ARHGEF1: variants seen among roughly 807,000 people sequenced by gnomAD.
ARHGEF1 encodes 115 kDa guanine nucleotide exchange factor.
Under a neutral mutation model 119.7 loss-of-function variants are expected in ARHGEF1, and 40 were observed. That is an observed-to-expected ratio of 0.33 (90% CI 0.26 to 0.44). ARHGEF1 has a LOEUF of 0.44. ARHGEF1 is among the 20% of genes least tolerant of loss of function. The probability of loss-of-function intolerance (pLI) is 1.00; values close to 1 mark genes in which losing one functional copy is unlikely to be tolerated. For synonymous variants in ARHGEF1, 494 were observed against 521.0 expected (o/e 0.95, Z 0.71); for missense variants, 976 against 1,268.3 (o/e 0.77, Z 3.50).
chr19:41,898,372 G>T (rs1017779058), intron 13 of ARHGEF1, 70 bp from the exon 14 acceptor site: 6 of 1,547,164 alleles, frequency 3.9e-6, no homozygotes, highest in Non-Finnish European at 5.2e-6. Context: ...GGGGTTGAAC[G>T]CTCTAAGAGG....
upstream of ARHGEF1, among the ~76,000 whole-genome samples, chr19:41,922,209 G>A (rs771288285): frequency 1.6e-4 from 25 of 152,236 alleles, no homozygotes; most frequent in African/African-American, 5.5e-4. Flanking sequence ...CAGGCATCCC[G>A]ACAGAGCCCG....
intron 8 of ARHGEF1, 72 bp from the exon 9 acceptor site, chr19:41,894,135 A>AGT (rs35797687): frequency 0.15 from 69,598 of 458,326 alleles, 701 homozygotes; most frequent in Middle Eastern, 0.18. Flanking sequence ...TGTGTGTGTG[A>AGT]GTGTGTGTGT....
At chr19:41,926,790 C>T (rs1008800900) in intron 1 of ARHGEF1, among the ~76,000 whole-genome samples, 1 of 152,142 alleles carries the variant, frequency 6.6e-6, no homozygotes, top group Non-Finnish European at 1.5e-5. Flanking sequence ...CCAGAGCGAC[C>T]GATCGATTCG....
chr19:41,915,495 T>C (rs548969169), intron 18 of ARHGEF1, among the ~76,000 whole-genome samples: 6 of 152,046 alleles, frequency 3.9e-5, no homozygotes, highest in Non-Finnish European at 7.4e-5. Context: ...CGTCTCTGTG[T>C]CCCCATGTCT....
chr19:41,883,286 C>A lies in ARHGEF1; in HGVS notation c.-23C>A. The stretch of plus-strand genomic sequence containing the variant: ...CCCGCCGGTCACCTCCGCGCGGACA[C>A]CAGGTACTCGGTCCCCGGCCCCGCC... On this transcript the variant is annotated 5_prime_UTR_variant, in exon 1 of 29. Coordinates refer to ENST00000354532, the MANE Select transcript of ARHGEF1 (RefSeq NM_004706.4). This position sits in a 1 kb window ranked among gnomAD's most constrained non-coding sequence, Gnocchi z 7.6. The A allele has an allele frequency of 5.4e-6, 1 of 184,910 alleles. No homozygotes were observed. 11.5% of individuals were successfully genotyped at this position (184,910 alleles called of 1,614,324 possible).
At chr19:41,929,462 T>C (rs1465133402) in intron 2 of ARHGEF1, among the ~76,000 whole-genome samples, 6 of 152,162 alleles carry the variant, frequency 3.9e-5, no homozygotes, top group African/African-American at 1.4e-4. Flanking sequence ...TCGACCAGCC[T>C]CAGGGCGGGT....
chr19:41,888,613 T>C lies in ARHGEF1; in HGVS notation c.112-139T>C. 1.4e-6 allele frequency: 1 copy of C among 718,594 alleles called. No homozygotes were observed. Among genetic ancestry groups the C allele is most frequent in the South Asian group, 1.8e-5 (1 of 56,080 alleles). The allele number at this position is 718,594 out of a possible 1,614,324, so 44.5% of individuals were successfully genotyped here. Reference sequence around the variant, plus strand: ...CCTGCCCTTGCTGTCACCATCATTTTTTGGACACTGTCACCACTCCCCACT... The same window carrying C: ...CCTGCCCTTGCTGTCACCATCATTTCTTGGACACTGTCACCACTCCCCACT... On this transcript the variant is annotated intron_variant, in intron 3 of 28. Coordinates refer to ENST00000354532, the MANE Select transcript of ARHGEF1 (RefSeq NM_004706.4). This position sits in a 1 kb window ranked among gnomAD's most constrained non-coding sequence, Gnocchi z 5.1.
chr19:41,886,588 A>G (rs2074297430), intron 1 of ARHGEF1, among the ~76,000 whole-genome samples: 1 of 152,202 alleles, frequency 6.6e-6, no homozygotes, highest in Non-Finnish European at 1.5e-5. Context: ...GCCAGTTTGC[A>G]AATTTATTAA....
chr19:41,894,700 T>A, intron 11 of ARHGEF1, 39 bp downstream of exon 11: 1 of 1,610,836 alleles, frequency 6.2e-7, no homozygotes, highest in South Asian at 1.1e-5. Flanking sequence ...ACTGGGGGCC[T>A]GTGTGGGAGA....
intron 12 of ARHGEF1, 111 bp from the exon 13 acceptor site, chr19:41,896,263 TGTG>T: frequency 2.0e-6 from 1 of 508,388 alleles, no homozygotes; most frequent in Non-Finnish European, 3.5e-6. Context: ...AGAGCAGCCA[TGTG>T]GTGTCTGCCA....
intron 13 of ARHGEF1, chr19:41,896,737 A>C (rs2074495925): frequency 3.3e-6 from 2 of 613,050 alleles, no homozygotes; most frequent in Admixed American, 2.2e-5. Flanking sequence ...TTTTTCACTA[A>C]TCCTTCTCCT....
chr19:41,884,310 T>G, intron 1 of ARHGEF1: 1 of 1,074,214 alleles, frequency 9.3e-7, no homozygotes, highest in Non-Finnish European at 1.3e-6. Flanking sequence ...AGGAGTAGAG[T>G]CGTCGGGGCC....
chr19:41,922,693 G>T (rs781876050), upstream of ARHGEF1, among the ~76,000 whole-genome samples: 1 of 152,094 alleles, frequency 6.6e-6, no homozygotes, highest in African/African-American at 2.4e-5. Context: ...GCTGGGTGCC[G>T]GGCCACCAGG....
rs782681785 is a variant in ARHGEF1 at position 41,902,626 on chromosome 19, C to T, written c.1591C>T (p.Arg531Cys). ...FALEQLKAKQ[R>C]KDPRFCAFVQ... ...CTTAGAGCAGCTCAAAGCCAAGCAA[C>T]GCAAGGACCCTCGGTTCTGTGCCTT... The change falls in exon 17 of 29, where the codon CGC (arginine) becomes TGC (cysteine). Residue 531 changes from arginine (R) to cysteine (C), a missense_variant. Physicochemically the swap from Arg to Cys is radical, Grantham distance 180. Transcript: ENST00000354532. The surrounding 1 kb of genome is among the most constrained non-coding windows in gnomAD (Gnocchi z 6.5). 3.7e-6 allele frequency: 6 copies of T among 1,614,104 alleles called. No homozygotes were observed. Among genetic ancestry groups the T allele is most frequent in the African/African-American group, 2.7e-5 (2 of 74,936 alleles).
At position 41,893,309 on chromosome 19, in the gene ARHGEF1, G is replaced by C. The variant is rs782612208; in HGVS notation, c.644+6G>C. On this transcript the variant is annotated splice_donor_region_variant and intron_variant, in intron 8 of 28. Transcript: ENST00000354532. ...TCTACCGACGAAGAAAAGAGGTGAG[G>C]GGGGCAGGGGAGGCGTGCGGCCTCC... The C allele has an allele frequency of 1.2e-6, 2 of 1,607,300 alleles. No homozygotes were observed. The highest frequency in any genetic ancestry group is 1.7e-6 in the Non-Finnish European group (2 of 1,177,184).
At chr19:41,920,180 G>A (rs149183367), upstream of ARHGEF1, among the ~76,000 whole-genome samples, 56 of 97,770 alleles carry the variant, frequency 5.7e-4, no homozygotes, top group African/African-American at 2.3e-3. Flanking sequence ...GACATGACAC[G>A]CTCACAGACA....
downstream of ARHGEF1, among the ~76,000 whole-genome samples, chr19:41,911,505 C>T (rs1400906267): frequency 1.3e-5 from 2 of 152,214 alleles, no homozygotes; most frequent in Non-Finnish European, 2.9e-5. Flanking sequence ...AGGTGGAAGG[C>T]AAGGGGGCGC....
intron 11 of ARHGEF1, 30 bp from the exon 12 acceptor site, chr19:41,895,319 C>A: frequency 6.3e-7 from 1 of 1,584,652 alleles, no homozygotes; most frequent in Non-Finnish European, 8.6e-7. Context: ...GTTCTCTTAT[C>A]TCCCTCTTTC....
chr19:41,907,064 TCC>T, intron 28 of ARHGEF1, 39 bp from the exon 29 acceptor site: 3 of 1,452,420 alleles, frequency 2.1e-6, no homozygotes, highest in African/African-American at 1.4e-5. Context: ...TGTCTCTCTC[TCC>T]ATCTCTCCCC....
Sources: gnomAD v4.1 joint callset for allele counts (sites outside exome capture counted in the v4.1 genomes callset) on GRCh38, gnomAD v4.1.1 for gene constraint, Gnocchi (gnomAD v3.1) non-coding constraint, MANE v1.5 for transcripts, NCBI Gene and HGNC (gene_info 2026-07-23, HGNC 2026-07-21) for gene names.